The following DLGAP1 variants were observed in gnomAD, a reference collection of about 807,000 sequenced individuals.
The protein encoded by DLGAP1 is disks large-associated protein 1.
A neutral mutation model predicts 90.8 loss-of-function variants in DLGAP1; 11 were observed. That is an observed-to-expected ratio of 0.12 (90% CI 0.08 to 0.20). DLGAP1 has a LOEUF of 0.20. Ranked by LOEUF, DLGAP1 falls within the 10% of genes least tolerant of loss-of-function variation. The pLI is 1.00. For missense variants in DLGAP1, 1,050 were observed against 1,333.8 expected (o/e 0.79, Z 3.31); for synonymous variants, 558 against 540.7 (o/e 1.03, Z -0.44).
At chr18:3,914,003 T>C (rs1208544489) in intron 3 of DLGAP1, among the ~76,000 whole-genome samples, 1 of 152,234 alleles carries the variant, frequency 6.6e-6, no homozygotes, top group East Asian at 1.9e-4. Context: ...CTCTTCCAAT[T>C]GTCACTATGG....
Position 3,708,684 on chromosome 18 carries a change from G to A in DLGAP1, c.1591+20451C>T, listed in dbSNP as rs529267178. On this transcript the variant is annotated intron_variant, in intron 7 of 12. Coordinates refer to ENST00000315677, the MANE Select transcript of DLGAP1 (RefSeq NM_004746.4). ...TTTAAAAGCTTAAGTAAGCACAATCGTAAGTAAGCTAAAGCTTGGAAATGG... is the reference window on the plus strand; with the variant it reads ...TTTAAAAGCTTAAGTAAGCACAATCATAAGTAAGCTAAAGCTTGGAAATGG... 1.8e-4 allele frequency among the ~76,000 whole-genome samples: 27 copies of A among 152,316 alleles called. 1 individual carries two copies. The South Asian group carries it at 3.1e-3, about 18-fold the overall frequency.
intron 1 of DLGAP1, among the ~76,000 whole-genome samples, chr18:4,313,809 G>T (rs1024638909): frequency 6.6e-6 from 1 of 152,166 alleles, no homozygotes; most frequent in African/African-American, 2.4e-5. Context: ...GCATGCTGCA[G>T]AAGCAATGAA....
intron 1 of DLGAP1, among the ~76,000 whole-genome samples, chr18:4,163,394 T>C (rs2076879255): frequency 6.6e-6 from 1 of 152,226 alleles, no homozygotes; most frequent in Non-Finnish European, 1.5e-5. Context: ...CTACTATTCT[T>C]TACAGTGCCT....
rs1196969541 is a variant in DLGAP1 at position 4,066,887 on chromosome 18, G to A, written c.-158-61686C>T. ...AAACACATGCATGTGAATGTTCATT[G>A]CAGCACTATTCACAATAGCAAAGAC... On this transcript the variant is annotated intron_variant, in intron 2 of 12. Transcript: ENST00000315677. Among the ~76,000 whole-genome samples the A allele has an allele frequency of 2.0e-5, 3 of 152,236 alleles. No individual in the cohort carries two copies. In the East Asian group the frequency reaches 5.8e-4, roughly 29 times the overall value.
chr18:3,651,711 G>A (rs1018140330), intron 7 of DLGAP1, among the ~76,000 whole-genome samples: 5 of 151,828 alleles, frequency 3.3e-5, no homozygotes, highest in South Asian at 2.1e-4. Context: ...AGTGGCTCAC[G>A]CCTGTAATCC....
intron 1 of DLGAP1, among the ~76,000 whole-genome samples, chr18:4,333,079 G>C (rs1299578499): frequency 6.6e-6 from 1 of 151,916 alleles, no homozygotes; most frequent in Non-Finnish European, 1.5e-5. Context: ...GTTAACCATT[G>C]ATGTTTAATA....
intron 9 of DLGAP1, among the ~76,000 whole-genome samples, chr18:3,553,314 C>T (rs1000450463): frequency 6.6e-6 from 1 of 151,984 alleles, no homozygotes; most frequent in Non-Finnish European, 1.5e-5. Flanking sequence ...TTTAAATGTT[C>T]GTGGAAAAAG....
chr18:4,343,264 G>A (rs951148075), intron 1 of DLGAP1, among the ~76,000 whole-genome samples: 28 of 148,962 alleles, frequency 1.9e-4, no homozygotes, highest in Non-Finnish European at 3.4e-4. Flanking sequence ...CTGAGATCGT[G>A]CCACTGCACT....
intron 1 of DLGAP1, among the ~76,000 whole-genome samples, chr18:4,222,144 TTAAA>T (rs2078090275): frequency 6.6e-6 from 1 of 152,174 alleles, no homozygotes; most frequent in Non-Finnish European, 1.5e-5. Flanking sequence ...CTTTCTTTAC[TTAAA>T]TAATGTTCAA....
Position 3,506,031 on chromosome 18 carries a change from G to A in DLGAP1, c.2571+2539C>T, listed in dbSNP as rs371460237. Among the ~76,000 whole-genome samples, 12 of 152,276 alleles carry A rather than the reference G, an allele frequency of 7.9e-5. 1 individual carries two copies. The highest frequency in any genetic ancestry group is 3.9e-4 in the Admixed American group (6 of 15,290). ...GAGGGTGGATCACCTGAGGTCAGGA[G>A]TGCAAGATCAGCCTAGCCAACATGG... On this transcript the variant is annotated intron_variant, in intron 11 of 12. Transcript: ENST00000315677.
intron 2 of DLGAP1, among the ~76,000 whole-genome samples, chr18:4,065,137 G>C (rs141631779): frequency 1.1e-3 from 171 of 152,098 alleles, no homozygotes; most frequent in African/African-American, 3.9e-3. Context: ...ATCCATTCAT[G>C]TTAAAAAAAA....
chr18:4,316,469 T>C (rs9946980), intron 1 of DLGAP1, among the ~76,000 whole-genome samples: 38,352 of 152,032 alleles, frequency 0.25, 4,987 homozygotes, highest in African/African-American at 0.31. Flanking sequence ...CCTGCTTCAA[T>C]GAAACTGCCA....
intron 9 of DLGAP1, among the ~76,000 whole-genome samples, chr18:3,536,245 A>C (rs2052372169): frequency 7.7e-6 from 1 of 129,120 alleles, no homozygotes. Flanking sequence ...TTTTTCTGAG[A>C]CAGAGTCTTG....
intron 1 of DLGAP1, among the ~76,000 whole-genome samples, chr18:4,447,580 C>T (rs1374898958): frequency 6.6e-6 from 1 of 151,996 alleles, no homozygotes; most frequent in Non-Finnish European, 1.5e-5. Flanking sequence ...TGATTTATTT[C>T]ACCATCTGGG....
chr18:4,228,027 C>T (rs1043921662), intron 1 of DLGAP1, among the ~76,000 whole-genome samples: 1 of 151,194 alleles, frequency 6.6e-6, no homozygotes, highest in Non-Finnish European at 1.5e-5. Flanking sequence ...ACTTTCAACC[C>T]AATACCACTG....
intron 1 of DLGAP1, among the ~76,000 whole-genome samples, chr18:4,333,802 G>A (rs2081006965): frequency 6.6e-6 from 1 of 150,864 alleles, no homozygotes; most frequent in East Asian, 2.0e-4. Flanking sequence ...GGGTTTCACT[G>A]TGTTATCCAG....
chr18:3,658,698 AATTGACTT>A (rs2059581922), intron 7 of DLGAP1, among the ~76,000 whole-genome samples: 1 of 152,236 alleles, frequency 6.6e-6, no homozygotes, highest in South Asian at 2.1e-4. Flanking sequence ...AGGTACAAGT[AATTGACTT>A]ATTAAGCAAT....
At chr18:3,693,485 T>A (rs964907192) in intron 7 of DLGAP1, among the ~76,000 whole-genome samples, 3 of 152,198 alleles carry the variant, frequency 2.0e-5, no homozygotes, top group Non-Finnish European at 4.4e-5. Context: ...TTATACTGCA[T>A]GGGCAGAAAC....
chr18:4,210,294 AAATG>A (rs1387908867), intron 1 of DLGAP1, among the ~76,000 whole-genome samples: 3 of 152,354 alleles, frequency 2.0e-5, no homozygotes, highest in African/African-American at 7.2e-5. Context: ...TCTGATGAAT[AAATG>A]AATGAATACA....
Sources: allele counts gnomAD v4.1 joint callset (sites outside exome capture counted in the v4.1 genomes callset), GRCh38; gene constraint gnomAD v4.1.1; transcripts MANE v1.5; gene names NCBI Gene and HGNC (gene_info 2026-07-23, HGNC 2026-07-21).